Variants in GPC5 observed in about 807,000 individuals in gnomAD.
GPC5 encodes the protein glypican 5.
GPC5 carries 47 observed loss-of-function variants against 53.9 expected under a neutral mutation model. The ratio of observed to expected loss-of-function variants is 0.87; its 90% CI spans 0.69 to 1.11. The LOEUF is 1.11. Among genes scored for constraint, GPC5 ranks in the 50% most tolerant of loss-of-function variants. The pLI is 0.00. For synonymous variants in GPC5, 286 were observed against 263.3 expected (o/e 1.09, Z -0.84); for missense variants, 748 against 713.1 (o/e 1.05, Z -0.56).
chr13:92,435,046 C>T (rs1253931535), intron 7 of GPC5, among the ~76,000 whole-genome samples: 1 of 152,154 alleles, frequency 6.6e-6, no homozygotes, highest in East Asian at 1.9e-4. Flanking sequence ...TCCTGAGTTG[C>T]TTGGACTACA....
At chr13:91,559,033 T>C (rs1240324300) in intron 2 of GPC5, among the ~76,000 whole-genome samples, 2 of 152,088 alleles carry the variant, frequency 1.3e-5, no homozygotes, top group African/African-American at 4.8e-5. Flanking sequence ...TGTCTTCTGA[T>C]TGGATCCTCA....
chr13:91,633,717 T>G (rs1398915097), intron 2 of GPC5, among the ~76,000 whole-genome samples: 1 of 152,140 alleles, frequency 6.6e-6, no homozygotes, highest in Non-Finnish European at 1.5e-5. Context: ...AATTTCAACA[T>G]CAACATCTGG....
chr13:91,615,413 A>G (rs1364349915), intron 2 of GPC5, among the ~76,000 whole-genome samples: 1 of 152,184 alleles, frequency 6.6e-6, no homozygotes, highest in African/African-American at 2.4e-5. Flanking sequence ...TTCATATTCT[A>G]TTGACAAGAA....
At chr13:92,835,859 A>T (rs1394184256) in intron 7 of GPC5, among the ~76,000 whole-genome samples, 1 of 152,014 alleles carries the variant, frequency 6.6e-6, no homozygotes, top group African/African-American at 2.4e-5. Flanking sequence ...CAATATGTGT[A>T]TCTTGTGTAT....
intron 6 of GPC5, among the ~76,000 whole-genome samples, chr13:91,958,377 A>AT (rs1442245897): frequency 6.6e-6 from 1 of 152,078 alleles, no homozygotes; most frequent in Non-Finnish European, 1.5e-5. Flanking sequence ...GAGCACCCAG[A>AT]TATTTAAAGT....
chr13:92,174,569 CAAAA>C (rs888956166), intron 7 of GPC5, among the ~76,000 whole-genome samples: 11 of 149,208 alleles, frequency 7.4e-5, no homozygotes, highest in Admixed American at 5.3e-4. Context: ...ACAACAACAA[CAAAA>C]AAAACAAAAT....
At chr13:91,484,900 G>T (rs993913767) in intron 2 of GPC5, among the ~76,000 whole-genome samples, 2 of 152,186 alleles carry the variant, frequency 1.3e-5, no homozygotes, top group African/African-American at 4.8e-5. Context: ...TTCCTGCGCT[G>T]CAGAAACTCT....
rs540607280 is a variant in GPC5, at chr13:92,470,112, A to C, written c.1561+325123A>C. Among the ~76,000 whole-genome samples, 4 of 152,240 alleles carry C rather than the reference A, an allele frequency of 2.6e-5. No individual in the cohort carries two copies. In the East Asian group the frequency reaches 7.7e-4, roughly 29 times the overall value. ...TCCCTGAACTTGAACTAAATCACTC[A>C]GCTTGTTCGTGTTTTACTCAACCTT... On this transcript the variant is annotated intron_variant, in intron 7 of 7. Coordinates refer to ENST00000377067, the MANE Select transcript of GPC5 (RefSeq NM_004466.6).
chr13:91,621,971 G>A (rs1297867704), intron 2 of GPC5, among the ~76,000 whole-genome samples: 1 of 151,842 alleles, frequency 6.6e-6, no homozygotes, highest in Non-Finnish European at 1.5e-5. Context: ...AATCACTGGT[G>A]TAAGTCTGAG....
At chr13:92,833,883 G>C (rs186498523) in intron 7 of GPC5, among the ~76,000 whole-genome samples, 9 of 152,288 alleles carry the variant, frequency 5.9e-5, no homozygotes, top group Admixed American at 5.9e-4. Flanking sequence ...GTTAGAGAGA[G>C]AGGCAGGAAC....
intron 2 of GPC5, among the ~76,000 whole-genome samples, chr13:91,575,552 G>C (rs573044890): frequency 6.6e-6 from 1 of 152,234 alleles, no homozygotes; most frequent in Non-Finnish European, 1.5e-5. Context: ...TTCCTAGGGA[G>C]AACACGCTAT....
intron 5 of GPC5, among the ~76,000 whole-genome samples, chr13:91,775,476 T>A (rs2037696465): frequency 6.6e-6 from 1 of 152,170 alleles, no homozygotes; most frequent in Non-Finnish European, 1.5e-5. Flanking sequence ...ACAATGCAAT[T>A]TTTTTGTGTA....
chr13:91,492,087 T>G (rs1883971143), intron 2 of GPC5, among the ~76,000 whole-genome samples: 1 of 152,238 alleles, frequency 6.6e-6, no homozygotes, highest in African/African-American at 2.4e-5. Flanking sequence ...ATTTATATAT[T>G]CTGCCCACTT....
At chr13:92,050,759 G>T (rs937636861) in intron 6 of GPC5, among the ~76,000 whole-genome samples, 1 of 152,082 alleles carries the variant, frequency 6.6e-6, no homozygotes, top group Non-Finnish European at 1.5e-5. Flanking sequence ...ACAAATTGGG[G>T]CATCATTTTT....
chr13:92,557,344 G>A (rs1468294406), intron 7 of GPC5, among the ~76,000 whole-genome samples: 1 of 151,868 alleles, frequency 6.6e-6, no homozygotes, highest in Non-Finnish European at 1.5e-5. Context: ...TTCTTTAGTA[G>A]GAGTTTGGGA....
At position 91,535,469 on chromosome 13, in the gene GPC5, G is replaced by T. The variant is rs115591248; in HGVS notation, c.325+86547G>T. ...GAGAGTGACCATTTAACACAATTCT[G>T]CATATGCCTTCAAACCACAAGACTA... On this transcript the variant is annotated intron_variant, in intron 2 of 7. Transcript: ENST00000377067. Among the ~76,000 whole-genome samples the T allele has an allele frequency of 9.4e-3, 1,425 of 152,128 alleles. 21 individuals are homozygous for T. The highest frequency in any genetic ancestry group is 0.033 in the African/African-American group (1,353 of 41,488).
rs552981480 is a variant in GPC5, at chr13:92,309,870, G to C, written c.1561+164881G>C. On this transcript the variant is annotated intron_variant, in intron 7 of 7. Coordinates refer to ENST00000377067, the MANE Select transcript of GPC5 (RefSeq NM_004466.6). Reference sequence around the variant, plus strand: ...TATTTAACCTATTTAGCTAAAACTTGGTGTCTTTTGTGCAACAATTCCACA... The same window carrying C: ...TATTTAACCTATTTAGCTAAAACTTCGTGTCTTTTGTGCAACAATTCCACA... Among the ~76,000 whole-genome samples, 165 of 152,054 alleles carry C rather than the reference G, an allele frequency of 1.1e-3. 4 individuals are homozygous for C. The South Asian group carries it at 0.031, about 29-fold the overall frequency.
At chr13:92,104,204 A>G (rs904245406) in intron 6 of GPC5, among the ~76,000 whole-genome samples, 15 of 152,218 alleles carry the variant, frequency 9.9e-5, no homozygotes, top group African/African-American at 1.9e-4. Flanking sequence ...ACGTATCCCA[A>G]TGAATGGCTG....
At chr13:91,636,186 G>A (rs1594362154) in intron 2 of GPC5, among the ~76,000 whole-genome samples, 1 of 152,002 alleles carries the variant, frequency 6.6e-6, no homozygotes, top group Non-Finnish European at 1.5e-5. Flanking sequence ...AAATTGCAAT[G>A]TGAATGATAG....
Sources: gnomAD v4.1 joint callset for allele counts (sites outside exome capture counted in the v4.1 genomes callset) on GRCh38, gnomAD v4.1.1 for gene constraint, MANE v1.5 for transcripts, NCBI Gene and HGNC (gene_info 2026-07-23, HGNC 2026-07-21) for gene names.